LIMCH1: variants seen among roughly 807,000 people sequenced by gnomAD.
LIMCH1 encodes the protein LIM and calponin homology domains 1, also known as LIM and calponin homology domains-containing protein 1.
In LIMCH1, 113 loss-of-function variants were observed where a neutral mutation model predicts 176.5. That is an observed-to-expected ratio of 0.64 (90% CI 0.55 to 0.75). The LOEUF is 0.75. Among genes scored for constraint, LIMCH1 ranks in the 30% least tolerant of loss-of-function variants. The pLI, the probability that LIMCH1 is intolerant of heterozygous loss-of-function variation, is 0.00. For synonymous variants in LIMCH1, 619 were observed against 645.9 expected (o/e 0.96, Z 0.63); for missense variants, 1,674 against 1,814.9 (o/e 0.92, Z 1.41).
intron 1 of LIMCH1, among the ~76,000 whole-genome samples, chr4:41,362,282 G>GC (rs1489623938): frequency 6.6e-5 from 10 of 152,186 alleles, no homozygotes; most frequent in African/African-American, 2.4e-4. Context: ...CTTGCTGAAA[G>GC]CCCCAGGCAT....
chr4:41,491,436 A>G (rs1438123345), intron 1 of LIMCH1, among the ~76,000 whole-genome samples: 1 of 145,534 alleles, frequency 6.9e-6, no homozygotes, highest in African/African-American at 2.6e-5. Flanking sequence ...GGCCGGGCAG[A>G]GGTGCCCCTC....
chr4:41,612,194 AG>A (rs1271497783), intron 4 of LIMCH1: 1 of 215,270 alleles, frequency 4.6e-6, no homozygotes, highest in African/African-American at 2.3e-5. Flanking sequence ...TCCCCCGCAA[AG>A]GGCCTCCTGC....
At chr4:41,529,008 G>A (rs761771215) in intron 3 of LIMCH1, among the ~76,000 whole-genome samples, 9 of 152,304 alleles carry the variant, frequency 5.9e-5, no homozygotes, top group Non-Finnish European at 1.2e-4. Context: ...AAGCCGTGTG[G>A]TGACTGCCTG....
intron 5 of LIMCH1, among the ~76,000 whole-genome samples, chr4:41,616,533 A>T (rs893295072): frequency 1.3e-5 from 2 of 150,412 alleles, no homozygotes; most frequent in African/African-American, 4.9e-5. Context: ...CCATCTCAAA[A>T]AATAATAATA....
rs760332127 is a variant in LIMCH1, at chr4:41,390,269, A to AGAGAGAGAGAGAGC, written c.96+29338_96+29339insAGAGAGAGCGAGAG. The stretch of plus-strand genomic sequence containing the variant: ...GAGAGAGAGAGAGAGAGAGAGAGAG[A>AGAGAGAGAGAGAGC]GAGAGCGAGAGCGCTCCTCATGCTG... On this transcript the variant is annotated intron_variant, in intron 1 of 26. Transcript: ENST00000313860. 6.4e-3 allele frequency among the ~76,000 whole-genome samples: 967 copies of AGAGAGAGAGAGAGC among 150,312 alleles called. 2 individuals are homozygous for AGAGAGAGAGAGAGC. Among genetic ancestry groups the AGAGAGAGAGAGAGC allele is most frequent in the Non-Finnish European group, 8.9e-3 (606 of 67,746 alleles).
upstream of LIMCH1, among the ~76,000 whole-genome samples, chr4:41,537,118 C>A (rs1339089444): frequency 2.0e-5 from 3 of 152,162 alleles, no homozygotes; most frequent in Admixed American, 2.0e-4. Context: ...TAAGGAAATA[C>A]AGAAGTTATT....
intron 21 of LIMCH1, among the ~76,000 whole-genome samples, chr4:41,668,647 G>T (rs2153001467): frequency 6.6e-6 from 1 of 152,258 alleles, no homozygotes; most frequent in Non-Finnish European, 1.5e-5. Context: ...ATTTCAAAAT[G>T]TATTCTTTAA....
chr4:41,594,625 G>A (rs2088358669), intron 1 of LIMCH1, among the ~76,000 whole-genome samples: 1 of 152,112 alleles, frequency 6.6e-6, no homozygotes, highest in African/African-American at 2.4e-5. Flanking sequence ...TTCTGCCTAG[G>A]GCCTGGCTCC....
chr4:41,554,480 C>T (rs2080969261), intron 1 of LIMCH1, among the ~76,000 whole-genome samples: 1 of 152,138 alleles, frequency 6.6e-6, no homozygotes, highest in Non-Finnish European at 1.5e-5. Flanking sequence ...AAAATGTGCA[C>T]TCAGACCTGT....
At chr4:41,590,673 C>T (rs1048973284) in intron 1 of LIMCH1, among the ~76,000 whole-genome samples, 2 of 152,186 alleles carry the variant, frequency 1.3e-5, no homozygotes, top group Non-Finnish European at 1.5e-5. Flanking sequence ...TTTTCTTCTG[C>T]TTCAAGCAGC....
intron 1 of LIMCH1, among the ~76,000 whole-genome samples, chr4:41,388,654 G>T (rs34730900): frequency 0.38 from 57,593 of 151,258 alleles, 12,710 homozygotes; most frequent in African/African-American, 0.62. Flanking sequence ...AAGCTTTTTT[G>T]TTTTTGAGAC....
At chr4:41,443,444 C>T (rs1344852167) in intron 1 of LIMCH1, among the ~76,000 whole-genome samples, 1 of 152,140 alleles carries the variant, frequency 6.6e-6, no homozygotes, top group Non-Finnish European at 1.5e-5. Flanking sequence ...TCAGATGAAT[C>T]AGTGGATAAA....
chr4:41,668,187 T>A (rs1560303954), intron 21 of LIMCH1, among the ~76,000 whole-genome samples: 1 of 152,182 alleles, frequency 6.6e-6, no homozygotes, highest in East Asian at 1.9e-4. Context: ...ATTATTGATG[T>A]TTGGCAGATA....
At chr4:41,363,870 GGAGA>G (rs2052547185) in intron 1 of LIMCH1, among the ~76,000 whole-genome samples, 3 of 152,218 alleles carry the variant, frequency 2.0e-5, no homozygotes, top group Admixed American at 2.0e-4. Flanking sequence ...GACTCCTAGA[GGAGA>G]CAGCAAACTT....
Position 41,697,473 on chromosome 4 carries a change from A to G in LIMCH1, c.*288A>G, listed in dbSNP as rs1187191466. 9 of 378,264 alleles carry G rather than the reference A, an allele frequency of 2.4e-5. No individual in the cohort carries two copies. In the Admixed American group the frequency reaches 3.3e-4, roughly 14 times the overall value. The allele number at this position is 378,264 out of a possible 1,614,324, so 23.4% of individuals were successfully genotyped here. A position where few individuals can be genotyped will look rare whatever the true frequency, so the allele number is the denominator to read the frequency against. On this transcript the variant is annotated 3_prime_UTR_variant, in exon 32 of 32. Transcript: ENST00000503057. ...GGTTTTAGCATGGTCAAACAGGCTT[A>G]TGGTTTAAAATGTGTTATTCTCTTC...
At chr4:41,388,729 G>A (rs1429210903) in intron 1 of LIMCH1, among the ~76,000 whole-genome samples, 2 of 151,834 alleles carry the variant, frequency 1.3e-5, no homozygotes, top group East Asian at 3.9e-4. Flanking sequence ...TGCAACCTCC[G>A]CCTCCCGGGT....
Position 41,692,171 on chromosome 4 carries a change from A to G in LIMCH1, c.4276-111A>G, listed in dbSNP as rs895036385. On this transcript the variant is annotated intron_variant, in intron 30 of 31. Coordinates refer to ENST00000503057, the MANE Select transcript of LIMCH1 (RefSeq NM_001330672.2). ...CTTACACATAATAGATGCTCCACAA[A>G]TGTGGTGATTGTAGAAGGGATTATT... 3 of 703,724 alleles carry G rather than the reference A, an allele frequency of 4.3e-6. 1 individual carries two copies. The allele number at this position is 703,724 out of a possible 1,614,324, so 43.6% of individuals were successfully genotyped here. A position where few individuals can be genotyped will look rare whatever the true frequency, so the allele number is the denominator to read the frequency against.
intron 1 of LIMCH1, among the ~76,000 whole-genome samples, chr4:41,379,037 A>C (rs59465509): frequency 1.2e-3 from 190 of 152,340 alleles, no homozygotes; most frequent in African/African-American, 4.4e-3. Flanking sequence ...ATGGTGATTT[A>C]GTTATTGGTG....
chr4:41,361,363 T>C (rs59938041), intron 1 of LIMCH1, among the ~76,000 whole-genome samples: 1,909 of 152,294 alleles, frequency 0.013, 34 homozygotes, highest in African/African-American at 0.044. Context: ...TGGTCCCACA[T>C]TTCGCCCCTT....
Sources: gnomAD v4.1 joint callset for allele counts (sites outside exome capture counted in the v4.1 genomes callset) on GRCh38, gnomAD v4.1.1 for gene constraint, MANE v1.5 for transcripts, NCBI Gene and HGNC (gene_info 2026-07-23, HGNC 2026-07-21) for gene names.